Variants in AP4S1 observed in about 807,000 individuals in gnomAD.
The protein encoded by AP4S1 is adaptor related protein complex 4 subunit sigma 1.
Under a neutral mutation model 19.8 loss-of-function variants are expected in AP4S1, and 23 were observed. The observed-to-expected ratio is 1.16, with a 90% CI of 0.84 to 1.65. The LOEUF (loss-of-function observed/expected upper bound fraction) is 1.65, where lower values mean the gene tolerates loss of function less well. Among genes scored for constraint, AP4S1 ranks in the 40% most tolerant of loss-of-function variants. The pLI is 0.00. For missense variants in AP4S1, 166 were observed against 172.8 expected (o/e 0.96, Z 0.22); for synonymous variants, 46 against 54.1 (o/e 0.85, Z 0.66).
At chr14:31,080,738 C>A in intron 5 of AP4S1, 154 bp downstream of exon 5, 1 of 1,055,336 alleles carries the variant, frequency 9.5e-7, no homozygotes, top group Non-Finnish European at 1.5e-6. Flanking sequence ...GTGTGTTCTG[C>A]AGAACTCCTC....
chr14:31,028,350 G>C (rs1394628135), intron 1 of AP4S1, among the ~76,000 whole-genome samples: 2 of 151,782 alleles, frequency 1.3e-5, no homozygotes. Flanking sequence ...GCTAATTTTT[G>C]TATTTTTTGT....
At chr14:31,036,016 C>T (rs1173688001) in intron 1 of AP4S1, among the ~76,000 whole-genome samples, 2 of 152,094 alleles carry the variant, frequency 1.3e-5, no homozygotes, top group Non-Finnish European at 2.9e-5. Context: ...AGGCGTGAGC[C>T]ACCGTGCCTG....
At chr14:31,062,342 G>T (rs1007398536) in intron 1 of AP4S1, among the ~76,000 whole-genome samples, 1 of 151,906 alleles carries the variant, frequency 6.6e-6, no homozygotes, top group African/African-American at 2.4e-5. Context: ...CAGGCAGTCC[G>T]CCCTCCTCGG....
intron 1 of AP4S1, among the ~76,000 whole-genome samples, chr14:31,056,686 C>G (rs917690560): frequency 1.3e-5 from 2 of 152,124 alleles, no homozygotes; most frequent in Non-Finnish European, 2.9e-5. Context: ...TGCAGTGATT[C>G]GTTTGGCATT....
At chr14:31,064,242 G>A (rs1448599656) in intron 1 of AP4S1, among the ~76,000 whole-genome samples, 1 of 151,880 alleles carries the variant, frequency 6.6e-6, no homozygotes, top group East Asian at 1.9e-4. Context: ...AGTGACTTTG[G>A]GTATCTTCTT....
At chr14:31,072,159 T>G (rs983571256) in intron 3 of AP4S1, among the ~76,000 whole-genome samples, 1 of 152,016 alleles carries the variant, frequency 6.6e-6, no homozygotes, top group Admixed American at 6.6e-5. Context: ...CAGGCTGGTC[T>G]CAAGCTCCTG....
intron 5 of AP4S1, among the ~76,000 whole-genome samples, chr14:31,092,670 G>A (rs550789622): frequency 1.3e-5 from 2 of 152,170 alleles, no homozygotes; most frequent in Admixed American, 6.5e-5. Context: ...AAATGTAGCT[G>A]TTTCATTTTT....
intron 5 of AP4S1, chr14:31,080,793 C>CT (rs775286506): frequency 3.7e-4 from 263 of 716,644 alleles, no homozygotes; most frequent in Admixed American, 7.3e-4. Flanking sequence ...CTTTTTTTTT[C>CT]TTTTTAAGAT....
intron 4 of AP4S1, among the ~76,000 whole-genome samples, chr14:31,074,973 C>T (rs1474170527): frequency 6.6e-6 from 1 of 151,954 alleles, no homozygotes; most frequent in Non-Finnish European, 1.5e-5. Context: ...GTATAAAAAC[C>T]AAATCAGGAT....
At chr14:31,073,347 G>T (rs1470604279) in intron 4 of AP4S1, among the ~76,000 whole-genome samples, 1 of 136,662 alleles carries the variant, frequency 7.3e-6, no homozygotes, top group South Asian at 2.4e-4. Context: ...AAAATTAGCT[G>T]GGCGTGGTGG....
rs375789172 is a variant in AP4S1 at position 31,082,883 on chromosome 14, G to A, written c.306+2299G>A. On this transcript the variant is annotated intron_variant, in intron 5 of 5. Transcript: ENST00000542754. ...TGCACTCCAGCCTGGGCGACAGAGC[G>A]AGACTCCGTCTCAAAAAAAAAAAAA... 3.1e-3 allele frequency among the ~76,000 whole-genome samples: 456 copies of A among 149,054 alleles called. 4 individuals are homozygous for A. Among genetic ancestry groups the A allele is most frequent in the African/African-American group, 0.01 (419 of 40,534 alleles).
At chr14:31,061,961 A>T (rs142396428) in intron 1 of AP4S1, among the ~76,000 whole-genome samples, 24 of 152,176 alleles carry the variant, frequency 1.6e-4, no homozygotes, top group African/African-American at 4.8e-4. Flanking sequence ...CGCATTTTTA[A>T]CAAAGATTTC....
chr14:31,057,166 A>G (rs551881480), intron 1 of AP4S1, among the ~76,000 whole-genome samples: 1 of 152,226 alleles, frequency 6.6e-6, no homozygotes, highest in Non-Finnish European at 1.5e-5. Flanking sequence ...GCATTGTAGT[A>G]TGAGTCAGGG....
chr14:31,035,665 C>A (rs1051348861), intron 1 of AP4S1, among the ~76,000 whole-genome samples: 5 of 136,746 alleles, frequency 3.7e-5, no homozygotes, highest in Non-Finnish European at 7.7e-5. Context: ...ATGTGCGTTT[C>A]TATGACCCCC....
At chr14:31,082,788 T>C (rs373320559) in intron 5 of AP4S1, among the ~76,000 whole-genome samples, 3,454 of 150,966 alleles carry the variant, frequency 0.023, 115 homozygotes, top group African/African-American at 0.073. Context: ...CCCAGCTACT[T>C]GGGAGGCTGA....
At chr14:31,059,012 C>T (rs575392333) in intron 1 of AP4S1, among the ~76,000 whole-genome samples, 3 of 152,262 alleles carry the variant, frequency 2.0e-5, no homozygotes, top group African/African-American at 7.2e-5. Context: ...CTCCCTCCTC[C>T]TTGATGATTA....
chr14:31,045,116 G>A (rs1161358761), intron 1 of AP4S1, among the ~76,000 whole-genome samples: 1 of 152,010 alleles, frequency 6.6e-6, no homozygotes, highest in Non-Finnish European at 1.5e-5. Context: ...TGGCCAGGTT[G>A]GTCTCAAACT....
intron 1 of AP4S1, chr14:31,033,153 A>G (rs769727816): frequency 1.3e-5 from 2 of 152,142 alleles, no homozygotes; most frequent in Admixed American, 1.3e-4. Flanking sequence ...AATCATTTAC[A>G]TGTTTGAAAT....
In AP4S1 at chr14:31,065,143, C is replaced by T. The variant is rs539691833; in HGVS notation, c.-71-983C>T. 5.1e-4 allele frequency among the ~76,000 whole-genome samples: 77 copies of T among 152,090 alleles called. 1 individual carries two copies. The highest frequency in any genetic ancestry group is 8.2e-4 in the Non-Finnish European group (56 of 68,014). ...GTCTCCATTGCCCATAAAATAAAGCCCAAATTCCTTAGCATGACTTCTAAA... is the reference window on the plus strand; with the variant it reads ...GTCTCCATTGCCCATAAAATAAAGCTCAAATTCCTTAGCATGACTTCTAAA... On this transcript the variant is annotated intron_variant, in intron 1 of 5. Coordinates refer to ENST00000542754, the MANE Select transcript of AP4S1 (RefSeq NM_001128126.3).
Sources: gnomAD v4.1 joint callset for allele counts (sites outside exome capture counted in the v4.1 genomes callset) on GRCh38, gnomAD v4.1.1 for gene constraint, MANE v1.5 for transcripts, NCBI Gene and HGNC (gene_info 2026-07-23, HGNC 2026-07-21) for gene names.